The following ZNF775 variants were observed in gnomAD, a reference collection of about 807,000 sequenced individuals.
The protein encoded by ZNF775 is zinc finger protein 775.
ZNF775 carries 1 observed loss-of-function variant against 2.4 expected under a neutral mutation model. The ratio of observed to expected loss-of-function variants is 0.41; its 90% CI spans 0.15 to 1.94. The LOEUF is 1.94. Among genes scored for constraint, ZNF775 ranks in the 30% most tolerant of loss-of-function variants. ZNF775 has a pLI of 0.30. For missense variants in ZNF775, 823 were observed against 826.6 expected (o/e 1.00, Z 0.05); for synonymous variants, 381 against 373.3 (o/e 1.02, Z -0.24).
chr7:150,388,547 T>C (rs1462808195), intron 2 of ZNF775, 46 bp downstream of exon 2: 1 of 1,549,032 alleles, frequency 6.5e-7, no homozygotes. Context: ...TCTCCTCTGC[T>C]GAGGTCACGT....
At chr7:150,379,965 C>G (rs965975664) in intron 1 of ZNF775, 5 of 152,154 alleles carry the variant, frequency 3.3e-5, no homozygotes, top group African/African-American at 1.2e-4. Context: ...GAGAACTCCT[C>G]TCTAGGAAGA....
At position 150,389,320 on chromosome 7, in the gene ZNF775, C is replaced by T. The variant is rs60482865; in HGVS notation, c.31+819C>T. Among the ~76,000 whole-genome samples the T allele has an allele frequency of 5.4e-3, 817 of 152,324 alleles. 7 individuals carry two copies. The highest frequency in any genetic ancestry group is 0.019 in the African/African-American group (775 of 41,562). On this transcript the variant is annotated intron_variant, in intron 2 of 2. Coordinates refer to ENST00000329630, the MANE Select transcript of ZNF775 (RefSeq NM_173680.4). ...TCCTCATTGCCTCTGTGGGAAGAGC[C>T]GCCTCCCCTCCCAGGAATATCATGT...
intron 2 of ZNF775, among the ~76,000 whole-genome samples, chr7:150,393,189 T>C (rs1291265060): frequency 6.6e-6 from 1 of 152,160 alleles, no homozygotes; most frequent in African/African-American, 2.4e-5. Flanking sequence ...AAATTCTCTC[T>C]GTAGTTTTGC....
intron 2 of ZNF775, 88 bp downstream of exon 2, chr7:150,388,589 C>A: frequency 6.8e-7 from 1 of 1,461,538 alleles, no homozygotes; most frequent in Non-Finnish European, 9.4e-7. Context: ...AGGCGCGAGC[C>A]AGTGCCCTCA....
At chr7:150,388,615 A>G (rs1800499653) in intron 2 of ZNF775, 114 bp downstream of exon 2, 1 of 1,159,420 alleles carries the variant, frequency 8.6e-7, no homozygotes, top group Non-Finnish European at 1.3e-6. Flanking sequence ...TAGCTAGTAC[A>G]TCCCACTGAT....
intron 2 of ZNF775, among the ~76,000 whole-genome samples, chr7:150,391,607 A>G (rs1800559423): frequency 6.6e-6 from 1 of 151,992 alleles, no homozygotes; most frequent in Non-Finnish European, 1.5e-5. Context: ...CTCAGTAACC[A>G]CATGTGTTTC....
At chr7:150,381,904 G>A (rs1800369618) in intron 1 of ZNF775, among the ~76,000 whole-genome samples, 1 of 152,024 alleles carries the variant, frequency 6.6e-6, no homozygotes, top group Non-Finnish European at 1.5e-5. Flanking sequence ...CAGTGGGGGT[G>A]GCCTTGTGCT....
intron 2 of ZNF775, among the ~76,000 whole-genome samples, chr7:150,394,519 C>T (rs1341141333): frequency 6.6e-6 from 1 of 152,162 alleles, no homozygotes; most frequent in Non-Finnish European, 1.5e-5. Flanking sequence ...CATTTTGTTT[C>T]TACCTGTAAT....
chr7:150,389,919 G>T (rs59311465), intron 2 of ZNF775, among the ~76,000 whole-genome samples: 29 of 145,364 alleles, frequency 2.0e-4, no homozygotes, highest in Non-Finnish European at 2.3e-4. Flanking sequence ...GTGTGTGTGT[G>T]TTATGGCAAA....
At position 150,396,542 on chromosome 7, in the gene ZNF775, G is replaced by C. The variant is rs1462324209; in HGVS notation, c.61G>C (p.Glu21Gln). 1.2e-6 allele frequency: 2 copies of C among 1,602,744 alleles called. No homozygotes were observed. The highest frequency in any genetic ancestry group is 4.5e-5 in the East Asian group (2 of 44,506). Reference sequence around the variant, plus strand: ...TGGGCTGGTGATGAAGGTCAAGCAGGAGAAGCCGGAGCGGCTGCTGCAGAC... The same window carrying C: ...TGGGCTGGTGATGAAGGTCAAGCAGCAGAAGCCGGAGCGGCTGCTGCAGAC... Reference protein sequence around the residue: ...GAGLVMKVKQEKPERLLQTLA... With the variant: ...GAGLVMKVKQQKPERLLQTLA... Residue 21 changes from glutamate to glutamine, a missense_variant, in exon 3 of 3, where the codon GAG becomes CAG. Physicochemically the swap from Glu to Gln is conservative, Grantham distance 29. Transcript: ENST00000329630.
intron 2 of ZNF775, among the ~76,000 whole-genome samples, chr7:150,392,872 A>T (rs1332369343): frequency 1.3e-5 from 2 of 152,212 alleles, no homozygotes; most frequent in Non-Finnish European, 2.9e-5. Flanking sequence ...CTTTACAGAA[A>T]AATTGTGAAG....
rs1279801655 is a variant in ZNF775, at chr7:150,384,880, T to C, written c.-49-3542T>C. Among the ~76,000 whole-genome samples the C allele has an allele frequency of 6.6e-6, 1 of 152,126 alleles. No individual in the cohort carries two copies. The highest frequency in any genetic ancestry group is 1.5e-5 in the Non-Finnish European group (1 of 68,006). On this transcript the variant is annotated intron_variant, in intron 1 of 2. Transcript: ENST00000329630. The surrounding 1 kb of genome is among the most constrained non-coding windows in gnomAD (Gnocchi z 4.1). ...CTCTTGGGAGGCAGGGTGGGTGAAG[T>C]AGGACTGTCTTTGATTTGCCTTGGG...
chr7:150,383,575 G>T (rs1428315426), intron 1 of ZNF775, among the ~76,000 whole-genome samples: 1 of 152,174 alleles, frequency 6.6e-6, no homozygotes, highest in Non-Finnish European at 1.5e-5. Flanking sequence ...TGGCAGGGAG[G>T]CATTGGCTGG....
chr7:150,397,888 G>C lies in ZNF775; in HGVS notation c.1407G>C (p.Thr469=). The change falls in exon 3 of 3, where the codon ACG becomes ACC. Residue 469 remains threonine, a synonymous_variant. Coordinates refer to ENST00000329630, the MANE Select transcript of ZNF775 (RefSeq NM_173680.4). ...SALTIHQRIH[T]GERPYPCPEC... The stretch of plus-strand genomic sequence containing the variant: ...TCACCATCCACCAGCGCATCCACAC[G>C]GGTGAGCGGCCCTACCCGTGCCCCG... 3 of 1,602,306 alleles carry C rather than the reference G, an allele frequency of 1.9e-6. No individual in the cohort carries two copies. Among genetic ancestry groups the C allele is most frequent in the Non-Finnish European group, 2.5e-6 (3 of 1,178,218 alleles).
At position 150,391,727 on chromosome 7, in the gene ZNF775, T is replaced by C. The variant is rs1409989393; in HGVS notation, c.31+3226T>C. ...CTTTCTTTTTTTTTTTTTTTTTTTT[T>C]GAGATAGAGTTTTTGCTTTTTTTGC... On this transcript the variant is annotated intron_variant, in intron 2 of 2. Coordinates refer to ENST00000329630, the MANE Select transcript of ZNF775 (RefSeq NM_173680.4). Among the ~76,000 whole-genome samples, 5 of 128,296 alleles carry C rather than the reference T, an allele frequency of 3.9e-5. No homozygotes were observed. The Admixed American group carries it at 4.0e-4, about 10-fold the overall frequency. The allele number at this position is 128,296 out of a possible 152,430, so 84.2% of individuals were successfully genotyped here.
intron 2 of ZNF775, 109 bp from the exon 3 acceptor site, chr7:150,396,404 C>G: frequency 5.9e-6 from 8 of 1,346,036 alleles, no homozygotes; most frequent in Non-Finnish European, 7.9e-6. Flanking sequence ...CTTTTCAGCC[C>G]CTCTCTGCCC....
rs1291202800 is a variant in ZNF775, at chr7:150,398,140, C to T, written c.*45C>T. On this transcript the variant is annotated 3_prime_UTR_variant, in exon 3 of 3. Transcript: ENST00000329630. ...CCCGTGGTGGTGCGGGGGATGTTTGCGGGGTGTGTGTGGGGAGTGGGGGTG... is the reference window on the plus strand; with the variant it reads ...CCCGTGGTGGTGCGGGGGATGTTTGTGGGGTGTGTGTGGGGAGTGGGGGTG... 4 of 1,530,662 alleles carry T rather than the reference C, an allele frequency of 2.6e-6. No homozygotes were observed. Among genetic ancestry groups the T allele is most frequent in the African/African-American group, 1.4e-5 (1 of 72,664 alleles). 94.8% of individuals were successfully genotyped at this position (1,530,662 alleles called of 1,614,324 possible).
rs1320196659 is a variant in ZNF775 at position 150,397,337 on chromosome 7, T to C, written c.856T>C (p.Cys286Arg). ...GCCGCGCCAGTTCATCTGCAACGAG[T>C]GTGGCAAGAGCTTCACCTGGTGGTC... ...GEPRQFICNE[C>R]GKSFTWWSSL... is the part of the protein sequence containing the mutation. The change falls in exon 3 of 3, where the codon TGT (cysteine) becomes CGT (arginine). Residue 286 changes from cysteine to arginine, a missense_variant. Physicochemically the swap from Cys to Arg is radical, Grantham distance 180 (BLOSUM62 -3). Transcript: ENST00000329630. 1 of 1,592,412 alleles carries C rather than the reference T, an allele frequency of 6.3e-7. No homozygotes were observed. The highest frequency in any genetic ancestry group is 1.4e-5 in the African/African-American group (1 of 73,460).
rs1283382885 is a variant in ZNF775 at position 150,384,871 on chromosome 7, T to C, written c.-49-3551T>C. Among the ~76,000 whole-genome samples, 3 of 151,782 alleles carry C rather than the reference T, an allele frequency of 2.0e-5. No individual in the cohort carries two copies. Among genetic ancestry groups the C allele is most frequent in the Non-Finnish European group, 4.4e-5 (3 of 67,918 alleles). The stretch of plus-strand genomic sequence containing the variant: ...TCCTAATACCTCTTGGGAGGCAGGG[T>C]GGGTGAAGTAGGACTGTCTTTGATT... On this transcript the variant is annotated intron_variant, in intron 1 of 2. Transcript: ENST00000329630. This position sits in a 1 kb window ranked among gnomAD's most constrained non-coding sequence, Gnocchi z 4.1.
Sources: allele counts gnomAD v4.1 joint callset (sites outside exome capture counted in the v4.1 genomes callset), GRCh38; gene constraint gnomAD v4.1.1; non-coding constraint Gnocchi (gnomAD v3.1); transcripts MANE v1.5; gene names NCBI Gene and HGNC (gene_info 2026-07-23, HGNC 2026-07-21).